Variants in ASTN2 observed in about 807,000 individuals in gnomAD.
ASTN2 encodes astrotactin-2.
Under a neutral mutation model 139.8 loss-of-function variants are expected in ASTN2, and 54 were observed. That is an observed-to-expected ratio of 0.39 (90% CI 0.31 to 0.48). The LOEUF is 0.48. Among genes scored for constraint, ASTN2 ranks in the 20% least tolerant of loss-of-function variants. The pLI is 0.95. For missense variants in ASTN2, 1,565 were observed against 1,725.1 expected (o/e 0.91, Z 1.64); for synonymous variants, 756 against 719.5 (o/e 1.05, Z -0.81).
At chr9:116,644,856 T>TAGAGCTGACCTTATCAC (rs1857511275) in intron 17 of ASTN2, among the ~76,000 whole-genome samples, 1 of 152,174 alleles carries the variant, frequency 6.6e-6, no homozygotes, top group Non-Finnish European at 1.5e-5. Flanking sequence ...GGGTAGAAGT[T>TAGAGCTGACCTTATCAC]AGAGCTGACC....
chr9:116,892,487 G>A (rs1036431759), intron 10 of ASTN2, among the ~76,000 whole-genome samples: 3 of 152,140 alleles, frequency 2.0e-5, no homozygotes, highest in African/African-American at 7.2e-5. Flanking sequence ...GGGGTGGCTG[G>A]GAGCTGGTTG....
chr9:117,201,887 A>T (rs1831734679), intron 3 of ASTN2, among the ~76,000 whole-genome samples: 2 of 152,112 alleles, frequency 1.3e-5, no homozygotes, highest in South Asian at 4.1e-4. Flanking sequence ...CAAGTCCTGA[A>T]TATCCTTGTT....
chr9:116,753,448 T>C (rs890863739), intron 13 of ASTN2, among the ~76,000 whole-genome samples: 51 of 152,324 alleles, frequency 3.3e-4, no homozygotes, highest in African/African-American at 9.4e-4. Flanking sequence ...GGTTACATGA[T>C]ATTATGCATT....
At chr9:116,812,292 G>T (rs748930760) in intron 12 of ASTN2, among the ~76,000 whole-genome samples, 1 of 152,166 alleles carries the variant, frequency 6.6e-6, no homozygotes, top group African/African-American at 2.4e-5. Flanking sequence ...ATTAAGTAAA[G>T]AATTTTGAGC....
chr9:116,852,525 G>C (rs1832634279), intron 11 of ASTN2, among the ~76,000 whole-genome samples: 1 of 152,124 alleles, frequency 6.6e-6, no homozygotes, highest in Admixed American at 6.6e-5. Context: ...TTGAGTGTTT[G>C]ATGAAACCTT....
intron 13 of ASTN2, among the ~76,000 whole-genome samples, chr9:116,751,878 A>G (rs531584701): frequency 6.6e-6 from 1 of 152,168 alleles, no homozygotes; most frequent in Non-Finnish European, 1.5e-5. Flanking sequence ...AAATAAAAGG[A>G]GATTCCCTGT....
intron 17 of ASTN2, among the ~76,000 whole-genome samples, chr9:116,645,507 G>T (rs1406812254): frequency 6.6e-6 from 1 of 152,046 alleles, no homozygotes; most frequent in Non-Finnish European, 1.5e-5. Context: ...GGGTCCAATG[G>T]TCCCCAAGGC....
At chr9:117,255,635 G>C (rs556412436) in intron 2 of ASTN2, among the ~76,000 whole-genome samples, 1 of 152,286 alleles carries the variant, frequency 6.6e-6, no homozygotes, top group South Asian at 2.1e-4. Context: ...CATCCCTCAA[G>C]AAACAGAATG....
At chr9:117,113,207 A>T (rs7853208) in intron 4 of ASTN2, among the ~76,000 whole-genome samples, 123,645 of 152,170 alleles carry the variant, frequency 0.81, 50,375 homozygotes, top group African/African-American at 0.84. Flanking sequence ...ACAACAACCA[A>T]ATAACCCAGA....
chr9:116,947,487 C>T (rs1367706892), intron 10 of ASTN2, among the ~76,000 whole-genome samples: 1 of 152,120 alleles, frequency 6.6e-6, no homozygotes, highest in Non-Finnish European at 1.5e-5. Flanking sequence ...CAGCATATCC[C>T]AGATCTGTAT....
chr9:117,408,603 C>A (rs970275918), intron 1 of ASTN2, among the ~76,000 whole-genome samples: 1 of 152,182 alleles, frequency 6.6e-6, no homozygotes, highest in Non-Finnish European at 1.5e-5. Context: ...TCCTGCTGCA[C>A]CTGCTACAAA....
chr9:117,346,010 C>CAAAAAAAAGAAAAAAAAAAAAAAA (rs1829204054), intron 1 of ASTN2, among the ~76,000 whole-genome samples: 1 of 92,338 alleles, frequency 1.1e-5, no homozygotes, highest in Non-Finnish European at 2.3e-5. Flanking sequence ...AACTAAGAGG[C>CAAAAAAAAGAAAAAAAAAAAAAAA]AAAAAAAAAA....
At chr9:116,966,795 TC>T (rs1836023854) in intron 10 of ASTN2, among the ~76,000 whole-genome samples, 1 of 151,922 alleles carries the variant, frequency 6.6e-6, no homozygotes. Context: ...CCACACTCTT[TC>T]CCCTTCCCCA....
At chr9:116,685,884 C>T (rs1050895706) in intron 16 of ASTN2, among the ~76,000 whole-genome samples, 6 of 150,912 alleles carry the variant, frequency 4.0e-5, no homozygotes, top group Admixed American at 3.3e-4. Context: ...GATACATATA[C>T]ACACATATAT....
intron 10 of ASTN2, among the ~76,000 whole-genome samples, chr9:116,910,510 C>T (rs1834281607): frequency 6.6e-6 from 1 of 152,160 alleles, no homozygotes; most frequent in African/African-American, 2.4e-5. Flanking sequence ...GACACGCTTA[C>T]ATACAAACGT....
chr9:116,976,024 G>T lies in ASTN2; in HGVS notation c.1751+90C>A, dbSNP rs1009922623. 4.8e-6 allele frequency: 6 copies of T among 1,262,516 alleles called. No individual in the cohort carries two copies. In the African/African-American group the frequency reaches 8.8e-5, roughly 18 times the overall value. 78.2% of individuals were successfully genotyped at this position (1,262,516 alleles called of 1,614,324 possible). On this transcript the variant is annotated intron_variant, in intron 9 of 22. Transcript: ENST00000313400. ...CTCAGTGCAGCTCAGAAGTGCACAG[G>T]CTCAATAGTCTAAGGATCCATGACC...
At chr9:116,569,735 G>T (rs1853414977) in intron 19 of ASTN2, among the ~76,000 whole-genome samples, 1 of 152,170 alleles carries the variant, frequency 6.6e-6, no homozygotes, top group South Asian at 2.1e-4. Context: ...CGTGATGATG[G>T]AGCCGAGAGC....
chr9:116,811,397 C>T (rs542764559), intron 12 of ASTN2, among the ~76,000 whole-genome samples: 23 of 152,152 alleles, frequency 1.5e-4, no homozygotes, highest in Non-Finnish European at 2.5e-4. Flanking sequence ...ATCCAAGTGT[C>T]ACTTAGAAGA....
At chr9:116,652,311 G>A (rs1857962422) in intron 16 of ASTN2, among the ~76,000 whole-genome samples, 1 of 152,104 alleles carries the variant, frequency 6.6e-6, no homozygotes, top group Non-Finnish European at 1.5e-5. Flanking sequence ...GGGCAAGAGA[G>A]CGAGATTCCA....
Sources: gnomAD v4.1 joint callset for allele counts (sites outside exome capture counted in the v4.1 genomes callset) on GRCh38, gnomAD v4.1.1 for gene constraint, MANE v1.5 for transcripts, NCBI Gene and HGNC (gene_info 2026-07-23, HGNC 2026-07-21) for gene names.